Variants in ITGA9 observed in about 807,000 individuals in gnomAD.
ITGA9 encodes the protein integrin alpha-9.
Under a neutral mutation model 127.8 loss-of-function variants are expected in ITGA9, and 56 were observed. That is an observed-to-expected ratio of 0.44 (90% CI 0.35 to 0.55). The LOEUF (loss-of-function observed/expected upper bound fraction) is 0.55, where lower values mean the gene tolerates loss of function less well. Ranked by LOEUF, ITGA9 falls within the 20% of genes least tolerant of loss-of-function variation. The pLI, the probability that ITGA9 is intolerant of heterozygous loss-of-function variation, is 0.00. For synonymous variants in ITGA9, 508 were observed against 514.5 expected, an observed-to-expected ratio of 0.99 and a Z score of 0.17; for missense variants, 1,196 against 1,347.1, an observed-to-expected ratio of 0.89 and a Z score of 1.76.
intron 18 of ITGA9, among the ~76,000 whole-genome samples, chr3:37,719,758 A>G (rs917502971): frequency 2.0e-5 from 3 of 152,092 alleles, no homozygotes; most frequent in Admixed American, 6.5e-5. Context: ...CCCGTTGATG[A>G]CACACTTCAC....
chr3:37,757,040 A>C (rs1038573140), intron 23 of ITGA9, among the ~76,000 whole-genome samples: 10 of 150,926 alleles, frequency 6.6e-5, no homozygotes, highest in African/African-American at 2.5e-4. Flanking sequence ...GGAAAATGCC[A>C]CTACTTACAT....
chr3:37,760,689 T>C (rs1696713657), intron 23 of ITGA9, among the ~76,000 whole-genome samples: 1 of 152,138 alleles, frequency 6.6e-6, no homozygotes, highest in Admixed American at 6.6e-5. Context: ...AACAGGTGAA[T>C]TAAAGTTAGA....
At chr3:37,488,521 G>A (rs1698634475) in intron 4 of ITGA9, among the ~76,000 whole-genome samples, 1 of 152,074 alleles carries the variant, frequency 6.6e-6, no homozygotes, top group South Asian at 2.1e-4. Flanking sequence ...TATTGGCCAG[G>A]CGTGGTGGCT....
At chr3:37,729,333 G>A (rs1288902697) in intron 18 of ITGA9, among the ~76,000 whole-genome samples, 4 of 152,088 alleles carry the variant, frequency 2.6e-5, no homozygotes, top group East Asian at 1.9e-4. Flanking sequence ...ACACCATCCC[G>A]GAGCACATGA....
chr3:37,464,331 C>G (rs1005682880), intron 1 of ITGA9, among the ~76,000 whole-genome samples: 3 of 147,508 alleles, frequency 2.0e-5, no homozygotes, highest in Non-Finnish European at 4.5e-5. Flanking sequence ...ACAACTTTTG[C>G]AATTCTAAGG....
At chr3:37,679,895 A>T (rs919990741) in intron 17 of ITGA9, among the ~76,000 whole-genome samples, 2 of 152,172 alleles carry the variant, frequency 1.3e-5, no homozygotes, top group African/African-American at 4.8e-5. Flanking sequence ...GACAGTCCTC[A>T]ACCAAAAAGC....
chr3:37,669,312 T>G (rs1360791189), intron 17 of ITGA9, among the ~76,000 whole-genome samples: 2 of 152,206 alleles, frequency 1.3e-5, no homozygotes, highest in Admixed American at 6.5e-5. Flanking sequence ...CTGGCTGATT[T>G]GGGGTGTGGA....
At chr3:37,599,167 G>T (rs904332488) in intron 15 of ITGA9, among the ~76,000 whole-genome samples, 5 of 152,222 alleles carry the variant, frequency 3.3e-5, no homozygotes, top group Admixed American at 3.3e-4. Context: ...AGCATTTGCT[G>T]AGTAACAAAC....
At position 37,505,112 on chromosome 3, in the gene ITGA9, C is replaced by G. The variant is rs574487117; in HGVS notation, c.743-888C>G. Among the ~76,000 whole-genome samples, 15 of 152,300 alleles carry G rather than the reference C, an allele frequency of 9.8e-5. No individual in the cohort carries two copies. The East Asian group carries it at 2.9e-3, about 29-fold the overall frequency. On this transcript the variant is annotated intron_variant, in intron 6 of 27. Coordinates refer to ENST00000264741, the MANE Select transcript of ITGA9 (RefSeq NM_002207.3). ...CCAACCATGCATCTACCCACCCACC[C>G]ACTGACAGCTTCTTTTGCCTTCTTG...
Position 37,629,126 on chromosome 3 carries a change from A to G in ITGA9, c.1690-61A>G. 6.3e-7 allele frequency: 1 copy of G among 1,593,944 alleles called. No homozygotes were observed. Among genetic ancestry groups the G allele is most frequent in the Non-Finnish European group, 8.6e-7 (1 of 1,163,516 alleles). On this transcript the variant is annotated intron_variant, in intron 15 of 27. Transcript: ENST00000264741. This position sits in a 1 kb window ranked among gnomAD's most constrained non-coding sequence, Gnocchi z 4.5. Reference sequence around the variant, plus strand: ...TGTAGAAGGTCTTTGTAAACTGTGAAATGCTCTACGACTGTCAGCCAGGAT... The same window carrying G: ...TGTAGAAGGTCTTTGTAAACTGTGAGATGCTCTACGACTGTCAGCCAGGAT...
Position 37,659,245 on chromosome 3 carries a change from TCTC to T in ITGA9, c.1916+5458_1916+5460del, listed in dbSNP as rs1460710372. 3.3e-5 allele frequency among the ~76,000 whole-genome samples: 5 copies of T among 152,176 alleles called. No individual in the cohort carries two copies. The East Asian group carries it at 9.6e-4, about 29-fold the overall frequency. On this transcript the variant is annotated intron_variant, in intron 17 of 27. Coordinates refer to ENST00000264741, the MANE Select transcript of ITGA9 (RefSeq NM_002207.3). ...GCCTGTCTTTCTAGGTTGGGGAAGTTCTCCTGGATAATATCCTGAAGAGTGTTT... is the reference window on the plus strand; with the variant it reads ...GCCTGTCTTTCTAGGTTGGGGAAGTTCTGGATAATATCCTGAAGAGTGTTT...
intron 16 of ITGA9, among the ~76,000 whole-genome samples, chr3:37,631,950 C>T (rs1304644786): frequency 6.6e-6 from 1 of 152,310 alleles, no homozygotes; most frequent in African/African-American, 2.4e-5. Context: ...AAAAGAAAGC[C>T]TTACTTCTGG....
At chr3:37,747,379 C>G (rs1696514215) in intron 22 of ITGA9, among the ~76,000 whole-genome samples, 1 of 152,074 alleles carries the variant, frequency 6.6e-6, no homozygotes, top group Admixed American at 6.6e-5. Context: ...CTCAAGAAAT[C>G]CCTTGTGTTT....
chr3:37,519,156 A>G (rs1699019039), intron 10 of ITGA9, 104 bp from the exon 11 acceptor site: 2 of 803,262 alleles, frequency 2.5e-6, no homozygotes, highest in Middle Eastern at 2.2e-4. Context: ...AACAACCAAT[A>G]ATTTCTGGTA....
chr3:37,472,849 T>G (rs1282663337), intron 2 of ITGA9, among the ~76,000 whole-genome samples: 1 of 152,108 alleles, frequency 6.6e-6, no homozygotes, highest in African/African-American at 2.4e-5. Context: ...GAGAAAGTCT[T>G]GCCATGTGGT....
intron 15 of ITGA9, among the ~76,000 whole-genome samples, chr3:37,563,391 A>G (rs149282032): frequency 4.6e-5 from 7 of 152,306 alleles, no homozygotes; most frequent in South Asian, 2.1e-4. Context: ...GATTGTCCTA[A>G]TGAAATCTTG....
chr3:37,560,780 A>G (rs1699479362), intron 15 of ITGA9, among the ~76,000 whole-genome samples: 1 of 152,180 alleles, frequency 6.6e-6, no homozygotes, highest in Non-Finnish European at 1.5e-5. Context: ...AACATATATC[A>G]GTTTGCTAGA....
chr3:37,681,599 A>G (rs2125661723), intron 17 of ITGA9, among the ~76,000 whole-genome samples: 1 of 152,326 alleles, frequency 6.6e-6, no homozygotes, highest in East Asian at 1.9e-4. Context: ...GCCAAAAATA[A>G]CAACTGTTCA....
intron 26 of ITGA9, among the ~76,000 whole-genome samples, chr3:37,792,720 G>A (rs747839146): frequency 5.9e-5 from 9 of 152,292 alleles, no homozygotes; most frequent in African/African-American, 1.2e-4. Flanking sequence ...TTTAAAAATC[G>A]TAGGCCACTG....
Sources: gnomAD v4.1 joint callset for allele counts (sites outside exome capture counted in the v4.1 genomes callset) on GRCh38, gnomAD v4.1.1 for gene constraint, Gnocchi (gnomAD v3.1) non-coding constraint, MANE v1.5 for transcripts, NCBI Gene and HGNC (gene_info 2026-07-23, HGNC 2026-07-21) for gene names.